Variants in ACTR3C observed in about 807,000 individuals in gnomAD.
ACTR3C encodes actin-related protein 3C.
ACTR3C carries 18 observed loss-of-function variants against 26.3 expected under a neutral mutation model. The observed-to-expected ratio is 0.68, with a 90% confidence interval of 0.47 to 1.01. The LOEUF (loss-of-function observed/expected upper bound fraction) is 1.01, where lower values mean the gene tolerates loss of function less well. Ranked by LOEUF, ACTR3C falls within the 50% of genes least tolerant of loss-of-function variation. The pLI is 0.00. For synonymous variants in ACTR3C, 55 were observed against 94.5 expected, an observed-to-expected ratio of 0.58 and a Z score of 2.42; for missense variants, 184 against 250.7, an observed-to-expected ratio of 0.73 and a Z score of 1.80.
the ACTR3C span, among the ~76,000 whole-genome samples, chr7:150,099,941 G>A: frequency 6.6e-6 from 1 of 151,756 alleles, no homozygotes; most frequent in Admixed American, 6.6e-5. Context: ...ATGAATACGC[G>A]AAGAAGAGCA....
chr7:150,058,173 C>A, the ACTR3C span, among the ~76,000 whole-genome samples: 5 of 152,204 alleles, frequency 3.3e-5, no homozygotes, highest in South Asian at 1.0e-3. Context: ...AATAATCCTA[C>A]GTTTGTACTG....
At chr7:150,200,729 A>C in the ACTR3C span, among the ~76,000 whole-genome samples, 3 of 152,116 alleles carry the variant, frequency 2.0e-5, no homozygotes, top group African/African-American at 7.3e-5. Context: ...CATACAAAGG[A>C]ACCTCGTGAT....
chr7:150,225,651 C>A, the ACTR3C span, among the ~76,000 whole-genome samples: 1 of 152,338 alleles, frequency 6.6e-6, no homozygotes, highest in South Asian at 2.1e-4. Context: ...ATGTCAGCAC[C>A]TTTTCCCCTC....
chr7:150,237,314 G>A, the ACTR3C span, among the ~76,000 whole-genome samples: 2 of 152,236 alleles, frequency 1.3e-5, no homozygotes, highest in African/African-American at 4.8e-5. Flanking sequence ...CACCTACGTT[G>A]GCTGCCTGAG....
the ACTR3C span, among the ~76,000 whole-genome samples, chr7:150,185,274 G>GGTGTGTGTGT: frequency 8.9e-4 from 110 of 124,248 alleles, no homozygotes; most frequent in African/African-American, 3.2e-3. Flanking sequence ...TTAAATGTCA[G>GGTGTGTGTGT]GCGTGTGTGT....
chr7:150,033,910 G>A, the ACTR3C span, among the ~76,000 whole-genome samples: 42 of 145,284 alleles, frequency 2.9e-4, no homozygotes, highest in East Asian at 7.7e-3. Context: ...CAGTCCCCGC[G>A]TCGCGAGGGG....
At chr7:150,179,833 A>T in the ACTR3C span, among the ~76,000 whole-genome samples, 1 of 151,628 alleles carries the variant, frequency 6.6e-6, no homozygotes, top group Non-Finnish European at 1.5e-5. Context: ...TAATTATTAA[A>T]GAAAAATAAA....
chr7:150,318,814 C>T (rs1321865669), intron 1 of ACTR3C, among the ~76,000 whole-genome samples: 2 of 152,164 alleles, frequency 1.3e-5, no homozygotes, highest in Non-Finnish European at 2.9e-5. Context: ...TCTGGGGGCC[C>T]GTGAGCCCAA....
chr7:150,093,397 A>G, the ACTR3C span, among the ~76,000 whole-genome samples: 1 of 151,296 alleles, frequency 6.6e-6, no homozygotes, highest in Non-Finnish European at 1.5e-5. Context: ...CAATGTCTAT[A>G]CTCACAGACG....
chr7:150,045,912 TC>T, the ACTR3C span, among the ~76,000 whole-genome samples: 1 of 152,172 alleles, frequency 6.6e-6, no homozygotes, highest in African/African-American at 2.4e-5. Flanking sequence ...AGTACATTTT[TC>T]CTGTTTGCAT....
the ACTR3C span, among the ~76,000 whole-genome samples, chr7:150,039,443 C>CCA: frequency 5.6e-5 from 4 of 71,642 alleles, no homozygotes; most frequent in African/African-American, 1.6e-4. Context: ...GGTGCCTCCC[C>CCA]CCCTGCGATG....
the ACTR3C span, among the ~76,000 whole-genome samples, chr7:150,019,599 AAATAATAATAATAATAATAAT>A: frequency 9.1e-6 from 1 of 109,810 alleles, no homozygotes; most frequent in East Asian, 2.4e-4. Context: ...TCAAAAATAA[AAATAATAATAATAATAATAAT>A]AATAATAATA....
the ACTR3C span, among the ~76,000 whole-genome samples, chr7:150,177,983 G>A: frequency 1.3e-3 from 198 of 150,732 alleles, 15 homozygotes; most frequent in African/African-American, 4.6e-3. Flanking sequence ...TACAAATTAC[G>A]TTTCTTATTG....
chr7:150,198,755 G>A, the ACTR3C span, among the ~76,000 whole-genome samples: 1 of 125,918 alleles, frequency 7.9e-6, no homozygotes, highest in African/African-American at 3.4e-5. Context: ...AGGGAGGTGG[G>A]GGGGGGTCAG....
At chr7:149,972,004 A>G in the ACTR3C span, among the ~76,000 whole-genome samples, 2 of 152,126 alleles carry the variant, frequency 1.3e-5, no homozygotes, top group Non-Finnish European at 2.9e-5. Context: ...AGGTATGGTC[A>G]TTCATTTCCA....
chr7:150,252,357 T>C (rs1023480970), intron 6 of ACTR3C, among the ~76,000 whole-genome samples: 4 of 152,108 alleles, frequency 2.6e-5, no homozygotes, highest in African/African-American at 9.7e-5. Flanking sequence ...AACAAATTTA[T>C]AAGGAACATC....
the ACTR3C span, among the ~76,000 whole-genome samples, chr7:150,212,016 A>C: frequency 1.4e-5 from 2 of 138,016 alleles, no homozygotes; most frequent in African/African-American, 3.3e-5. Context: ...TAAAAAGGAA[A>C]ATACAGACAC....
the ACTR3C span, among the ~76,000 whole-genome samples, chr7:150,205,722 C>A: frequency 3.3e-5 from 5 of 152,068 alleles, no homozygotes; most frequent in African/African-American, 1.2e-4. Flanking sequence ...ATTTTTCTAA[C>A]AAATTCAGTT....
chr7:150,138,848 A>T, the ACTR3C span, among the ~76,000 whole-genome samples: 1 of 152,310 alleles, frequency 6.6e-6, no homozygotes, highest in Non-Finnish European at 1.5e-5. Context: ...GGTCAGCTGC[A>T]GCATCAGATC....
Sources: allele counts gnomAD v4.1 joint callset (sites outside exome capture counted in the v4.1 genomes callset), GRCh38; gene constraint gnomAD v4.1.1; transcripts MANE v1.5; gene names NCBI Gene and HGNC (gene_info 2026-07-23, HGNC 2026-07-21).